DOCK9: variants seen among roughly 807,000 people sequenced by gnomAD.
The protein encoded by DOCK9 is dedicator of cytokinesis protein 9.
In DOCK9, 89 loss-of-function variants were observed where a neutral mutation model predicts 263.3. The observed-to-expected ratio is 0.34, with a 90% CI of 0.28 to 0.40. The LOEUF is 0.40. Among genes scored for constraint, DOCK9 ranks in the 10% least tolerant of loss-of-function variants. DOCK9 has a pLI of 1.00. For synonymous variants in DOCK9, 976 were observed against 973.1 expected, an observed-to-expected ratio of 1.00 and a Z score of -0.06; for missense variants, 2,140 against 2,603.4, an observed-to-expected ratio of 0.82 and a Z score of 3.87.
chr13:99,013,407 A>C (rs927387007), intron 1 of DOCK9, among the ~76,000 whole-genome samples: 5 of 152,146 alleles, frequency 3.3e-5, no homozygotes, highest in African/African-American at 1.2e-4. Context: ...GAGCCACCAC[A>C]CACCTGGCCA....
intron 19 of DOCK9, 34 bp from the exon 20 acceptor site, chr13:98,885,865 C>A (rs1334552521): frequency 6.3e-7 from 1 of 1,578,826 alleles, no homozygotes. Flanking sequence ...ACAAAATATT[C>A]TAAAAACACA....
chr13:98,796,340 T>A (rs2089403998), intron 52 of DOCK9: 4 of 755,058 alleles, frequency 5.3e-6, no homozygotes, highest in Non-Finnish European at 9.3e-6. Context: ...CAAACGGCCC[T>A]GGCTTCCACT....
At chr13:98,835,244 G>C (rs1006748487) in intron 39 of DOCK9, among the ~76,000 whole-genome samples, 19 of 152,222 alleles carry the variant, frequency 1.2e-4, no homozygotes, top group Non-Finnish European at 2.5e-4. Context: ...ACCTGCTAAA[G>C]ATGACTTTCT....
chr13:98,846,537 G>A, intron 37 of DOCK9: 2 of 1,352,010 alleles, frequency 1.5e-6, no homozygotes, highest in Non-Finnish European at 2.0e-6. Context: ...GGAAGGAGAA[G>A]AGCCACACAC....
At chr13:98,979,422 GGAGAACT>G (rs1432055619), upstream of DOCK9, among the ~76,000 whole-genome samples, 1 of 152,084 alleles carries the variant, frequency 6.6e-6, no homozygotes, top group African/African-American at 2.4e-5. Context: ...GAGGCAGTGG[GGAGAACT>G]GAGATGCCAC....
At chr13:98,822,152 G>A (rs2140606824) in intron 45 of DOCK9, among the ~76,000 whole-genome samples, 1 of 152,234 alleles carries the variant, frequency 6.6e-6, no homozygotes, top group South Asian at 2.1e-4. Flanking sequence ...CATGTACTAT[G>A]GACCTTGTTA....
Position 98,860,393 on chromosome 13 carries a change from A to G in DOCK9, c.3697+12T>C. On this transcript the variant is annotated intron_variant, in intron 33 of 52. Transcript: ENST00000682017. ...ATGGTGGAGAGAAGCCCACAAGAGC[A>G]TGGAGCGTTACCAATGCCGGAGATG... The G allele has an allele frequency of 6.4e-7, 1 of 1,570,686 alleles. No homozygotes were observed. Among genetic ancestry groups the G allele is most frequent in the Non-Finnish European group, 8.6e-7 (1 of 1,156,606 alleles).
At chr13:99,069,159 A>G (rs2041562146) in intron 1 of DOCK9, among the ~76,000 whole-genome samples, 2 of 152,230 alleles carry the variant, frequency 1.3e-5, no homozygotes, top group African/African-American at 4.8e-5. Context: ...CTCAAGCCAC[A>G]TCATAATTTT....
At position 99,071,306 on chromosome 13, in the gene DOCK9, C is replaced by CCTTTTTTTTTTTTTTTTTTTT. The variant is rs1286343497; in HGVS notation, c.129+14916_129+14917insAAAAAAAAAAAAAAAAAAAAG. Among the ~76,000 whole-genome samples the CCTTTTTTTTTTTTTTTTTTTT allele has an allele frequency of 1.2e-3, 57 of 49,334 alleles. 4 individuals carry two copies. The highest frequency in any genetic ancestry group is 0.01 in the East Asian group (15 of 1,490). The allele number at this position is 49,334 out of a possible 152,430, so 32.4% of individuals were successfully genotyped here. ...TACAGGTGCTTGCCACCATGCCTGGCTTTTTTTTTTTTTTTTTTTTTTTTT... is the reference window on the plus strand; with the variant it reads ...TACAGGTGCTTGCCACCATGCCTGGCCTTTTTTTTTTTTTTTTTTTTTTTTTTTTTTTTTTTTTTTTTTTTT... On this transcript the variant is annotated intron_variant, in intron 1 of 32. Transcript: ENST00000427887.
chr13:99,016,147 C>T (rs1340628589), intron 1 of DOCK9: 1 of 152,068 alleles, frequency 6.6e-6, no homozygotes, highest in African/African-American at 2.4e-5. Context: ...TTTCCTTGAC[C>T]TAAATATGCT....
intron 1 of DOCK9, among the ~76,000 whole-genome samples, chr13:99,034,264 C>A (rs373634422): frequency 3.3e-5 from 5 of 152,156 alleles, no homozygotes; most frequent in Non-Finnish European, 5.9e-5. Flanking sequence ...AGTACAGAGT[C>A]GGCAAAGCAG....
chr13:98,977,718 T>C, intron 1 of DOCK9, 66 bp downstream of exon 1: 1 of 1,537,542 alleles, frequency 6.5e-7, no homozygotes, highest in Non-Finnish European at 8.8e-7. Flanking sequence ...GTCAACCCCG[T>C]CCACACGCAC....
chr13:98,909,028 T>C (rs1236609307), intron 9 of DOCK9, among the ~76,000 whole-genome samples: 1 of 152,222 alleles, frequency 6.6e-6, no homozygotes, highest in African/African-American at 2.4e-5. Context: ...TATATTGTGA[T>C]GGTAAGAAGA....
intron 45 of DOCK9, among the ~76,000 whole-genome samples, chr13:98,821,998 CA>C (rs1277683381): frequency 6.6e-6 from 1 of 152,192 alleles, no homozygotes; most frequent in Non-Finnish European, 1.5e-5. Context: ...GCAGCCAATG[CA>C]AAAACGTGCC....
chr13:98,864,437 C>CCT (rs2141986288), intron 30 of DOCK9, among the ~76,000 whole-genome samples: 1 of 152,278 alleles, frequency 6.6e-6, no homozygotes, highest in Non-Finnish European at 1.5e-5. Flanking sequence ...AGTCTATAGA[C>CCT]CTCTCCCTTT....
Position 98,794,656 on chromosome 13 carries a change from G to C in DOCK9, c.6249C>G (p.His2083Gln). ...CGACCGAAGACGAGCTGGTCATCCC[G>C]TGAACCATTGTGCTTGTTGGAGTCC... ...ISGTPTSTMV[H>Q]GMTSSSSVV Residue 2083 changes from histidine (H) to glutamine (Q), a missense_variant, in exon 53 of 53, where the codon CAC becomes CAG. Physicochemically the swap from His to Gln is conservative, Grantham distance 24 (BLOSUM62 0). This residue lies in a region of DOCK9 where 619 missense variants were observed against 861.8 expected (regional missense o/e 0.72). Transcript: ENST00000682017. The C allele has an allele frequency of 6.2e-7, 1 of 1,612,328 alleles. No homozygotes were observed. Among genetic ancestry groups the C allele is most frequent in the African/African-American group, 1.3e-5 (1 of 75,016 alleles).
chr13:98,993,571 T>C (rs375969585), intron 1 of DOCK9, among the ~76,000 whole-genome samples: 9 of 152,170 alleles, frequency 5.9e-5, no homozygotes, highest in Admixed American at 2.6e-4. Context: ...GCAGTAACTA[T>C]GGAAAACAAC....
chr13:98,861,652 T>C (rs1283906096), intron 32 of DOCK9, among the ~76,000 whole-genome samples: 2 of 152,190 alleles, frequency 1.3e-5, no homozygotes, highest in African/African-American at 4.8e-5. Flanking sequence ...TTGAAAAAGC[T>C]GAATTGCAAG....
At position 99,081,470 on chromosome 13, in the gene DOCK9, G is replaced by A. The variant is rs563753793; in HGVS notation, c.129+4753C>T. ...GCATCACTGGCAAGTGCTTGACATC[G>A]AAGAAGAGTTTGAAGTTGAACATAG... On this transcript the variant is annotated intron_variant, in intron 1 of 32. Transcript: ENST00000427887. Among the ~76,000 whole-genome samples the A allele has an allele frequency of 7.9e-5, 12 of 152,328 alleles. No individual in the cohort carries two copies. In the East Asian group the frequency reaches 1.5e-3, roughly 20 times the overall value.
Sources: gnomAD v4.1 joint callset for allele counts (sites outside exome capture counted in the v4.1 genomes callset) on GRCh38, gnomAD v4.1.1 for gene constraint, gnomAD v4.1.1 regional missense constraint, MANE v1.5 for transcripts, NCBI Gene and HGNC (gene_info 2026-07-23, HGNC 2026-07-21) for gene names.